ROPN1B: variants seen among roughly 807,000 people sequenced by gnomAD.
ROPN1B encodes the protein ropporin-1B.
In ROPN1B, 13 loss-of-function variants were observed where a neutral mutation model predicts 23.7. The observed-to-expected ratio is 0.55, with a 90% CI of 0.36 to 0.87. The LOEUF (loss-of-function observed/expected upper bound fraction) is 0.87. Among genes scored for constraint, ROPN1B ranks in the 40% least tolerant of loss-of-function variants. ROPN1B has a pLI of 0.01. For missense variants in ROPN1B, 183 were observed against 249.2 expected (o/e 0.73, Z 1.79); for synonymous variants, 67 against 100.4 (o/e 0.67, Z 1.99).
Position 125,974,970 on chromosome 3 carries a change from TC to T in ROPN1B, c.117-590del, listed in dbSNP as rs559234716. On this transcript the variant is annotated intron_variant, in intron 3 of 6. Coordinates refer to ENST00000514116, the MANE Select transcript of ROPN1B (RefSeq NM_001308313.2). ...TTCACCCCAGGATGCTTCCATCTCT[TC>T]CCTTTCCTCCTTTTTCATTTCTTCA... Among the ~76,000 whole-genome samples the T allele has an allele frequency of 9.2e-5, 14 of 152,186 alleles. No homozygotes were observed. The East Asian group carries it at 2.7e-3, about 29-fold the overall frequency.
In ROPN1B at chr3:125,973,563, G is replaced by A. The variant is rs147280570; in HGVS notation, c.116+1393G>A. On this transcript the variant is annotated intron_variant, in intron 3 of 6. Transcript: ENST00000514116. The stretch of plus-strand genomic sequence containing the variant: ...CCCATTTGATTGTTCTTGTGCTGCC[G>A]TTTTATAGTAAGCAAAATGACATTG... 358 of 162,112 alleles carry A rather than the reference G, an allele frequency of 2.2e-3. 1 individual carries two copies. Among genetic ancestry groups the A allele is most frequent in the African/African-American group, 6.2e-3 (256 of 41,566 alleles). 10.0% of individuals were successfully genotyped at this position (162,112 alleles called of 1,614,324 possible).
intron 3 of ROPN1B, chr3:125,973,977 T>A (rs550961954): frequency 2.5e-4 from 38 of 153,886 alleles, no homozygotes; most frequent in South Asian, 2.1e-4. Context: ...GTGTTACAAC[T>A]CAAATTTGCA....
At chr3:125,983,220 T>G in intron 6 of ROPN1B, 34 bp from the exon 7 acceptor site, 2 of 1,424,726 alleles carry the variant, frequency 1.4e-6, no homozygotes, top group Non-Finnish European at 2.0e-6. Context: ...TAACTGTCAA[T>G]GAACTAACTG....
intron 3 of ROPN1B, 42 bp downstream of exon 3, chr3:125,972,212 G>T (rs776563955): frequency 5.0e-6 from 8 of 1,600,710 alleles, no homozygotes; most frequent in Non-Finnish European, 6.8e-6. Context: ...GAGGACGGGC[G>T]GGGAGAGAGG....
At chr3:125,974,295 A>T (rs143473868) in intron 3 of ROPN1B, among the ~76,000 whole-genome samples, 4,229 of 151,506 alleles carry the variant, frequency 0.028, 100 homozygotes, top group Middle Eastern at 0.075. Context: ...CTGTGTGCAG[A>T]GATTTCTCAA....
At chr3:125,972,294 T>C in intron 3 of ROPN1B, 124 bp downstream of exon 3, 1 of 838,168 alleles carries the variant, frequency 1.2e-6, no homozygotes, top group Non-Finnish European at 1.9e-6. Context: ...GTCTTTGTTT[T>C]AGCTCTTGCA....
Position 125,982,464 on chromosome 3 carries a change from A to G in ROPN1B, c.572+19A>G, listed in dbSNP as rs1467750771. On this transcript the variant is annotated intron_variant, in intron 6 of 6. Coordinates refer to ENST00000514116, the MANE Select transcript of ROPN1B (RefSeq NM_001308313.2). The stretch of plus-strand genomic sequence containing the variant: ...AGGAAGTGTAAGTTAACTTTTACCA[A>G]TTGGAGGTGAAAGAATACCAGGAAA... 4.4e-6 allele frequency: 7 copies of G among 1,576,506 alleles called. 1 individual carries two copies. In the South Asian group the frequency reaches 7.1e-5, roughly 16 times the overall value.
intron 5 of ROPN1B, 80 bp downstream of exon 5, chr3:125,977,245 G>A (rs12634109): frequency 0.26 from 266,327 of 1,024,100 alleles, 34,916 homozygotes; most frequent in Middle Eastern, 0.3. Flanking sequence ...CTATACACGC[G>A]GTCAACTCTG....
At chr3:125,978,779 T>C (rs898403073) in intron 5 of ROPN1B, among the ~76,000 whole-genome samples, 2 of 152,240 alleles carry the variant, frequency 1.3e-5, no homozygotes, top group African/African-American at 2.4e-5. Flanking sequence ...ATCTGCTCCC[T>C]GGCTCTGGTG....
rs1189291764 is a variant in ROPN1B at position 125,972,051 on chromosome 3, A to G, written c.-4A>G. 25 of 1,613,852 alleles carry G rather than the reference A, an allele frequency of 1.5e-5. No individual in the cohort carries two copies. The highest frequency in any genetic ancestry group is 2.0e-5 in the Non-Finnish European group (24 of 1,179,886). ...TTTTCTCCTGAGAATAGGTCAACCA[A>G]TCAATGGCTCAGACAGATAAGCCAA... On this transcript the variant is annotated 5_prime_UTR_variant, in exon 3 of 7. Transcript: ENST00000514116.
chr3:125,979,404 G>C (rs1347702315), intron 5 of ROPN1B, among the ~76,000 whole-genome samples: 1 of 152,098 alleles, frequency 6.6e-6, no homozygotes, highest in Non-Finnish European at 1.5e-5. Context: ...CTTAAAAGTA[G>C]GGCCTCTGGG....
At chr3:125,982,013 T>A (rs963263581) in intron 5 of ROPN1B, among the ~76,000 whole-genome samples, 6 of 152,160 alleles carry the variant, frequency 3.9e-5, no homozygotes, top group African/African-American at 1.4e-4. Flanking sequence ...TATCTTAAAG[T>A]ATTTAGGAAT....
In ROPN1B at chr3:125,975,607, A is replaced by T; in HGVS notation, c.161A>T (p.Glu54Val). The T allele has an allele frequency of 6.2e-7, 1 of 1,613,984 alleles. No individual in the cohort carries two copies. The highest frequency in any genetic ancestry group is 8.5e-7 in the Non-Finnish European group (1 of 1,179,970). Residue 54 changes from glutamate to valine, a missense_variant, in exon 4 of 7, where the codon GAG becomes GTG. This residue lies in a region of ROPN1B where 97 missense variants were observed against 99.6 expected (regional missense o/e 0.97). Transcript: ENST00000514116. ...LSRGETPPVR[E>V]RSERVALCNW... ...CGTGGAGAGACGCCTCCGGTGAGAGAGCGGTCTGAGCGAGTCGCTTTGTGT... is the reference window on the plus strand; with the variant it reads ...CGTGGAGAGACGCCTCCGGTGAGAGTGCGGTCTGAGCGAGTCGCTTTGTGT...
intron 3 of ROPN1B, among the ~76,000 whole-genome samples, chr3:125,975,038 G>A (rs1938353287): frequency 6.6e-6 from 1 of 152,044 alleles, no homozygotes; most frequent in African/African-American, 2.4e-5. Flanking sequence ...GGAGTGTAGT[G>A]GCACAATTAT....
At chr3:125,978,431 C>T (rs890826987) in intron 5 of ROPN1B, among the ~76,000 whole-genome samples, 1 of 152,138 alleles carries the variant, frequency 6.6e-6, no homozygotes, top group Admixed American at 6.5e-5. Flanking sequence ...TAAATTCAAT[C>T]CAATCCTGAA....
chr3:125,972,223 G>C, intron 3 of ROPN1B, 53 bp downstream of exon 3: 1 of 1,592,434 alleles, frequency 6.3e-7, no homozygotes, highest in South Asian at 1.1e-5. Flanking sequence ...GGGAGAGAGG[G>C]TCCTGTAAAA....
intron 3 of ROPN1B, chr3:125,972,711 T>C (rs1284313183): frequency 2.8e-6 from 1 of 358,002 alleles, no homozygotes. Flanking sequence ...CAAAGAGGCT[T>C]TGTATCTTTG....
intron 4 of ROPN1B, among the ~76,000 whole-genome samples, chr3:125,976,232 C>G (rs1319614492): frequency 6.6e-6 from 1 of 152,222 alleles, no homozygotes; most frequent in Non-Finnish European, 1.5e-5. Flanking sequence ...CCAAACCCTG[C>G]TTTATGATCC....
chr3:125,970,843 G>C (rs182518207), intron 1 of ROPN1B, among the ~76,000 whole-genome samples: 5 of 152,112 alleles, frequency 3.3e-5, no homozygotes, highest in African/African-American at 4.8e-5. Context: ...TGGGATTTCC[G>C]AGCCATGCTG....
Sources: gnomAD v4.1 joint callset for allele counts (sites outside exome capture counted in the v4.1 genomes callset) on GRCh38, gnomAD v4.1.1 for gene constraint, gnomAD v4.1.1 regional missense constraint, MANE v1.5 for transcripts, NCBI Gene and HGNC (gene_info 2026-07-23, HGNC 2026-07-21) for gene names.